Variants in FRMD6 observed in about 807,000 individuals in gnomAD.
FRMD6 encodes FERM domain containing 6, also known as FERM domain-containing protein 6.
A neutral mutation model predicts 73.2 loss-of-function variants in FRMD6; 37 were observed. That is an observed-to-expected ratio of 0.51 (90% CI 0.39 to 0.66). The LOEUF (loss-of-function observed/expected upper bound fraction) is 0.66, where lower values mean the gene tolerates loss of function less well. FRMD6 is among the 30% of genes least tolerant of loss of function. The probability of loss-of-function intolerance (pLI) is 0.00; values close to 1 mark genes in which losing one functional copy is unlikely to be tolerated. For missense variants in FRMD6, 714 were observed against 780.5 expected (o/e 0.91, Z 1.02); for synonymous variants, 273 against 282.2 (o/e 0.97, Z 0.33).
At chr14:51,470,701 T>A in the FRMD6 span, among the ~76,000 whole-genome samples, 10 of 152,234 alleles carry the variant, frequency 6.6e-5, no homozygotes, top group Admixed American at 3.3e-4. Flanking sequence ...TTTTGGTACA[T>A]TGTATCTTCA....
At chr14:51,498,424 T>TTTTGTTA (rs112520849) in intron 1 of FRMD6, among the ~76,000 whole-genome samples, 70,026 of 151,498 alleles carry the variant, frequency 0.46, 17,014 homozygotes, top group African/African-American at 0.59. Flanking sequence ...CAATTTTTGT[T>TTTTGTTA]TTCATTGCAG....
chr14:51,534,733 C>T (rs1261711379), intron 1 of FRMD6, among the ~76,000 whole-genome samples: 1 of 152,302 alleles, frequency 6.6e-6, no homozygotes, highest in East Asian at 1.9e-4. Context: ...CACAGGAAGT[C>T]GGGCAGGAAG....
At chr14:51,718,378 A>G (rs972602548) in intron 10 of FRMD6, among the ~76,000 whole-genome samples, 1 of 152,248 alleles carries the variant, frequency 6.6e-6, no homozygotes, top group South Asian at 2.1e-4. Context: ...TAAAAAGGCT[A>G]TATGTAAAGA....
chr14:51,417,543 C>T, the FRMD6 span, among the ~76,000 whole-genome samples: 2 of 152,200 alleles, frequency 1.3e-5, no homozygotes, highest in African/African-American at 4.8e-5. Flanking sequence ...ATGGGCTTCC[C>T]TTTGTGGGTA....
chr14:51,678,731 A>G (rs571422122), intron 1 of FRMD6, among the ~76,000 whole-genome samples: 1 of 151,980 alleles, frequency 6.6e-6, no homozygotes, highest in Non-Finnish European at 1.5e-5. Context: ...GGAGCAGGAG[A>G]AAAACTGCTG....
chr14:51,508,953 T>C (rs1050119779), intron 1 of FRMD6, among the ~76,000 whole-genome samples: 2 of 152,178 alleles, frequency 1.3e-5, no homozygotes, highest in African/African-American at 2.4e-5. Context: ...AGATCAAGAA[T>C]GACTATGAAT....
chr14:51,533,234 GT>G (rs1225250995), intron 1 of FRMD6, among the ~76,000 whole-genome samples: 1 of 152,144 alleles, frequency 6.6e-6, no homozygotes, highest in African/African-American at 2.4e-5. Context: ...AGGAGTCTGG[GT>G]TTTTTTCTGG....
At chr14:51,489,869 C>T (rs1312174613) in intron 1 of FRMD6, among the ~76,000 whole-genome samples, 2 of 152,096 alleles carry the variant, frequency 1.3e-5, no homozygotes, top group Non-Finnish European at 2.9e-5. Context: ...TTTCAAGAGC[C>T]CAACAATGAC....
the FRMD6 span, among the ~76,000 whole-genome samples, chr14:51,471,703 A>G: frequency 4.3e-4 from 65 of 152,194 alleles, no homozygotes; most frequent in African/African-American, 1.3e-3. Flanking sequence ...AATAACAACA[A>G]AGTAAACAAT....
At chr14:51,640,654 G>A (rs1006668970) in intron 2 of FRMD6, among the ~76,000 whole-genome samples, 2 of 152,140 alleles carry the variant, frequency 1.3e-5, no homozygotes, top group Non-Finnish European at 2.9e-5. Flanking sequence ...ATTCTTTATT[G>A]TAAATGCTAG....
intron 1 of FRMD6, among the ~76,000 whole-genome samples, chr14:51,568,145 A>T (rs978640227): frequency 6.6e-6 from 1 of 152,258 alleles, no homozygotes; most frequent in African/African-American, 2.4e-5. Flanking sequence ...TAGAATAAAA[A>T]TATCATAGGC....
exon 1 of FRMD6, chr14:51,489,277 T>C (rs1285849963): frequency 6.6e-6 from 1 of 152,414 alleles, no homozygotes; most frequent in Non-Finnish European, 1.5e-5. Context: ...AAGAAGTGGC[T>C]GGAAGTAAAC....
chr14:51,711,893 C>T (rs979310422), intron 8 of FRMD6, among the ~76,000 whole-genome samples: 3 of 152,210 alleles, frequency 2.0e-5, no homozygotes, highest in Non-Finnish European at 2.9e-5. Flanking sequence ...AATATCCAAA[C>T]GTTTCTGTGT....
chr14:51,640,693 A>T (rs1017154599), intron 2 of FRMD6, among the ~76,000 whole-genome samples: 2 of 152,242 alleles, frequency 1.3e-5, no homozygotes, highest in African/African-American at 4.8e-5. Context: ...AAGTATAAAA[A>T]TAAGAAAATG....
chr14:51,594,758 C>T (rs1256596088), intron 2 of FRMD6, among the ~76,000 whole-genome samples: 3 of 152,302 alleles, frequency 2.0e-5, no homozygotes, highest in South Asian at 2.1e-4. Flanking sequence ...CCACCACACC[C>T]GGCCATGAGT....
chr14:51,550,588 G>GCC (rs10672446), intron 1 of FRMD6, among the ~76,000 whole-genome samples: 12 of 150,538 alleles, frequency 8.0e-5, no homozygotes, highest in East Asian at 4.0e-4. Context: ...AGACCCCCCC[G>GCC]CCATGCTTAT....
intron 2 of FRMD6, among the ~76,000 whole-genome samples, chr14:51,577,865 C>A (rs1017781911): frequency 6.6e-6 from 1 of 152,278 alleles, no homozygotes; most frequent in East Asian, 1.9e-4. Context: ...TAGGTATACA[C>A]GTGCCTTTGC....
At chr14:51,479,289 A>G in the FRMD6 span, among the ~76,000 whole-genome samples, 1 of 152,178 alleles carries the variant, frequency 6.6e-6, no homozygotes, top group Non-Finnish European at 1.5e-5. Flanking sequence ...TTGTACAAAC[A>G]TGTTCACTCT....
At chr14:51,708,995 A>G (rs1309744982) in intron 7 of FRMD6, among the ~76,000 whole-genome samples, 1 of 152,112 alleles carries the variant, frequency 6.6e-6, no homozygotes, top group Non-Finnish European at 1.5e-5. Flanking sequence ...AACTGGGGCC[A>G]TGCTCTGCAG....
Sources: gnomAD v4.1 joint callset for allele counts (sites outside exome capture counted in the v4.1 genomes callset) on GRCh38, gnomAD v4.1.1 for gene constraint, MANE v1.5 for transcripts, NCBI Gene and HGNC (gene_info 2026-07-23, HGNC 2026-07-21) for gene names.